Variants in STRC observed in about 807,000 individuals in gnomAD.
STRC encodes stereocilin.
STRC carries 43 observed loss-of-function variants against 103.5 expected under a neutral mutation model. That is an observed-to-expected ratio of 0.42 (90% CI 0.33 to 0.54). The LOEUF (loss-of-function observed/expected upper bound fraction) is 0.54. Among genes scored for constraint, STRC ranks in the 20% least tolerant of loss-of-function variants. The probability of loss-of-function intolerance (pLI) is 0.14; values close to 1 mark genes in which losing one functional copy is unlikely to be tolerated. For missense variants in STRC, 499 were observed against 1,088.5 expected (o/e 0.46, Z 7.62); for synonymous variants, 186 against 442.3 (o/e 0.42, Z 7.27).
At chr15:43,601,643 A>G (rs2085670046) in intron 23 of STRC, 92 bp from the exon 24 acceptor site, 1 of 1,344,592 alleles carries the variant, frequency 7.4e-7, no homozygotes, top group East Asian at 2.4e-5. Context: ...CCTTAGCTGT[A>G]TAACTCTAGG....
At chr15:43,602,121 CAAAA>C (rs35561492) in intron 23 of STRC, among the ~76,000 whole-genome samples, 18 of 38,282 alleles carry the variant, frequency 4.7e-4, no homozygotes, top group African/African-American at 1.5e-3. Context: ...GACTCTGTCT[CAAAA>C]AAAAAAAAAA....
chr15:43,603,236 C>T lies in STRC; in HGVS notation c.4545+6G>A. ...GGCCAACCCCAGTTGGCTCTCCATC[C>T]CTAACCTGTTTTGCTTTGCCCATGG... On this transcript the variant is annotated splice_donor_region_variant and intron_variant, in intron 23 of 28. Coordinates refer to ENST00000450892, the MANE Select transcript of STRC (RefSeq NM_153700.2). The T allele has an allele frequency of 6.2e-7, 1 of 1,613,302 alleles. No homozygotes were observed. Among genetic ancestry groups the T allele is most frequent in the Non-Finnish European group, 8.5e-7 (1 of 1,179,674 alleles).
rs2085722952 is a variant in STRC, at chr15:43,607,984, A to C, written c.3682-9T>G. 1.2e-6 allele frequency: 2 copies of C among 1,610,670 alleles called. No homozygotes were observed. Among genetic ancestry groups the C allele is most frequent in the Non-Finnish European group, 1.7e-6 (2 of 1,179,456 alleles). ...GCCCAGATACAGGCCCTCTGTAGGG[A>C]AGCAGTGTGAGGCCAGAGCAGAACA... On this transcript the variant is annotated splice_polypyrimidine_tract_variant and intron_variant, in intron 17 of 28. Coordinates refer to ENST00000450892, the MANE Select transcript of STRC (RefSeq NM_153700.2).
chr15:43,604,056 C>G lies in STRC; in HGVS notation c.4315G>C (p.Ala1439Pro). 6.2e-7 allele frequency: 1 copy of G among 1,613,358 alleles called. No homozygotes were observed. ...VGQLCREPQLAAKKAALVAGV... is the reference protein window; with the variant it reads ...VGQLCREPQLPAKKAALVAGV... ...GCTACCAGGGCTGCTTTCTTGGCAG[C>G]AAGCTGTGGCTCCCTACACAGCTGT... Residue 1439 changes from alanine to proline, a missense_variant, in exon 22 of 29, where the codon GCT becomes CCT. Transcript: ENST00000450892.
At chr15:43,603,530 A>C in intron 22 of STRC, 119 bp from the exon 23 acceptor site, 1 of 1,105,670 alleles carries the variant, frequency 9.0e-7, no homozygotes, top group Non-Finnish European at 1.4e-6. Context: ...AGAAATAGGG[A>C]TCAAAGGAGT....
At chr15:43,606,247 T>C (rs2141524693) in intron 18 of STRC, among the ~76,000 whole-genome samples, 1 of 64,956 alleles carries the variant, frequency 1.5e-5, no homozygotes, top group Non-Finnish European at 3.4e-5. Flanking sequence ...TCTGTAACCT[T>C]GGGATTCTAA....
chr15:43,600,450 A>C (rs535616758), intron 26 of STRC, 84 bp downstream of exon 26: 2 of 1,599,442 alleles, frequency 1.3e-6, no homozygotes, highest in Non-Finnish European at 1.7e-6. Context: ...CCCCACCTTA[A>C]GAATTGCAGG....
chr15:43,605,003 C>A (rs2260105), intron 19 of STRC, 157 bp from the exon 20 acceptor site: 148 of 1,277,248 alleles, frequency 1.2e-4, no homozygotes, highest in Middle Eastern at 1.0e-3. Flanking sequence ...AAGCAATGAG[C>A]CCAGATAGGA....
In STRC at chr15:43,609,238, G is replaced by A. The variant is rs1234532903; in HGVS notation, c.3557+38C>T. ...CATAGTAAGCACTCAAAAAAATGTT[G>A]GTCGAATTCAGCGCACTGCTCAACA... On this transcript the variant is annotated intron_variant, in intron 16 of 28. Coordinates refer to ENST00000450892, the MANE Select transcript of STRC (RefSeq NM_153700.2). 1.9e-6 allele frequency: 3 copies of A among 1,601,320 alleles called. No homozygotes were observed. The Admixed American group carries it at 5.0e-5, about 27-fold the overall frequency.
chr15:43,601,399 A>C lies in STRC; in HGVS notation c.4698T>G (p.Thr1566=). The change falls in exon 24 of 29, where the codon ACT becomes ACG. Residue 1566 remains threonine (T), a synonymous_variant. Transcript: ENST00000450892. ...TLGQIDGWST[T]QLRIVVSSFL... is the part of the protein sequence containing the mutation. Reference sequence around the variant, plus strand: ...TAGGGAGGAGGAAAAGTGTTACCTGAGTGGTGCTCCAGCCATCTATCTGCC... The same window carrying C: ...TAGGGAGGAGGAAAAGTGTTACCTGCGTGGTGCTCCAGCCATCTATCTGCC... 6.2e-7 allele frequency: 1 copy of C among 1,613,322 alleles called. No individual in the cohort carries two copies. The highest frequency in any genetic ancestry group is 8.5e-7 in the Non-Finnish European group (1 of 1,179,864).
intron 13 of STRC, 57 bp downstream of exon 13, chr15:43,611,091 C>T (rs1398097451): frequency 5.8e-6 from 9 of 1,545,772 alleles, no homozygotes; most frequent in South Asian, 1.1e-5. Context: ...ATGCCTTCCT[C>T]CCAACCAGAA....
At chr15:43,604,204 G>C in intron 21 of STRC, 52 bp from the exon 22 acceptor site, 1 of 1,606,254 alleles carries the variant, frequency 6.2e-7, no homozygotes, top group Non-Finnish European at 8.5e-7. Flanking sequence ...ATCAGGACCT[G>C]CTGCTATAGC....
In STRC at chr15:43,604,420, C is replaced by T; in HGVS notation, c.4159G>A (p.Glu1387Lys). ...KPELWSQDEV[E>K]QAGRLVFTLS... is the part of the protein sequence containing the mutation. ...GTGAATACTAGGCGTCCAGCTTGCT[C>T]TACTTCATCCTGGCTCCACAACTCT... Residue 1387 changes from glutamate (E) to lysine (K), a missense_variant, in exon 21 of 29, where the codon GAG (glutamate) becomes AAG (lysine). Coordinates refer to ENST00000450892, the MANE Select transcript of STRC (RefSeq NM_153700.2). 1 of 1,584,792 alleles carries T rather than the reference C, an allele frequency of 6.3e-7. No homozygotes were observed. Among genetic ancestry groups the T allele is most frequent in the Non-Finnish European group, 8.6e-7 (1 of 1,162,308 alleles).
rs139683375 is a variant in STRC at position 43,600,664 on chromosome 15, G to A, written c.4863C>T (p.Leu1621=). 2.8e-5 allele frequency: 45 copies of A among 1,613,438 alleles called. No homozygotes were observed. The highest frequency in any genetic ancestry group is 5.4e-5 in the African/African-American group (4 of 74,734). ...CAGAGCACTGGAGATGCAGGGTGCC[G>A]AGGAAGAGAGCTGCTTGGCTGTAGA... ...SWEFSQAALF[L]GTLHLQCSEE... Residue 1621 remains leucine, a synonymous_variant, in exon 26 of 29, where the codon CTC becomes CTT. Transcript: ENST00000450892.
Position 43,605,409 on chromosome 15 carries a change from C to T in STRC, c.3795-10G>A, listed in dbSNP as rs1326200470. ...GTCCATCAACTGGATCCTATTACAG[C>T]AATTTGACAACAACAGGATTCAGGT... On this transcript the variant is annotated splice_polypyrimidine_tract_variant and intron_variant, in intron 18 of 28. Coordinates refer to ENST00000450892, the MANE Select transcript of STRC (RefSeq NM_153700.2). The T allele has an allele frequency of 6.3e-7, 1 of 1,598,440 alleles. No homozygotes were observed. The highest frequency in any genetic ancestry group is 1.7e-5 in the Admixed American group (1 of 58,156).
intron 17 of STRC, 46 bp downstream of exon 17, chr15:43,608,034 G>A: frequency 6.2e-7 from 1 of 1,610,998 alleles, no homozygotes; most frequent in African/African-American, 1.4e-5. Flanking sequence ...TATACCTAGG[G>A]TCCCAGCCTC....
chr15:43,603,674 C>G (rs1242781481), intron 22 of STRC: 7 of 630,602 alleles, frequency 1.1e-5, no homozygotes, highest in East Asian at 2.9e-5. Flanking sequence ...GAACCCAGTT[C>G]TCCAGCCTCA....
chr15:43,604,255 C>G lies in STRC; in HGVS notation c.4219-103G>C, dbSNP rs1485474163. On this transcript the variant is annotated intron_variant, in intron 21 of 28. Coordinates refer to ENST00000450892, the MANE Select transcript of STRC (RefSeq NM_153700.2). The stretch of plus-strand genomic sequence containing the variant: ...CTGTCTCTGTTTTGCAGTCTCCCCC[C>G]AGATCTAGGCTTCATATCCTTTGCC... The G allele has an allele frequency of 3.1e-6, 5 of 1,593,724 alleles. No homozygotes were observed. The Admixed American group carries it at 8.7e-5, about 28-fold the overall frequency.
intron 24 of STRC, 132 bp downstream of exon 24, chr15:43,601,264 G>T (rs574474004): frequency 7.3e-7 from 1 of 1,372,526 alleles, no homozygotes; most frequent in African/African-American, 1.4e-5. Context: ...CTAGTATGGG[G>T]TATCAACAAA....
Sources: allele counts gnomAD v4.1 joint callset (sites outside exome capture counted in the v4.1 genomes callset), GRCh38; gene constraint gnomAD v4.1.1; transcripts MANE v1.5; gene names NCBI Gene and HGNC (gene_info 2026-07-23, HGNC 2026-07-21).